The following NAALADL2 variants were observed in gnomAD, a reference collection of about 807,000 sequenced individuals.
NAALADL2 encodes the protein N-acetylated alpha-linked acidic dipeptidase like 2, also known as inactive N-acetylated-alpha-linked acidic dipeptidase-like protein 2.
NAALADL2 carries 76 observed loss-of-function variants against 87.2 expected under a neutral mutation model. The ratio of observed to expected loss-of-function variants is 0.87; its 90% CI spans 0.72 to 1.05. The LOEUF (loss-of-function observed/expected upper bound fraction) is 1.05. NAALADL2 is among the 50% of genes least tolerant of loss of function. NAALADL2 has a pLI of 0.00. For missense variants in NAALADL2, 1,089 were observed against 945.8 expected (o/e 1.15, Z -1.99); for synonymous variants, 354 against 331.0 (o/e 1.07, Z -0.75).
At chr3:174,586,370 C>T (rs1414435495) in intron 2 of NAALADL2, among the ~76,000 whole-genome samples, 1 of 152,116 alleles carries the variant, frequency 6.6e-6, no homozygotes, top group African/African-American at 2.4e-5. Flanking sequence ...TGTGCACATT[C>T]ATTACAAATT....
chr3:174,826,044 A>AACAACG (rs1332450789), intron 3 of NAALADL2, among the ~76,000 whole-genome samples: 2 of 150,574 alleles, frequency 1.3e-5, no homozygotes, highest in Non-Finnish European at 2.9e-5. Flanking sequence ...CAACAACAAC[A>AACAACG]ACAACAACGA....
intron 2 of NAALADL2, among the ~76,000 whole-genome samples, chr3:175,202,582 T>G (rs1208189100): frequency 6.6e-6 from 1 of 152,178 alleles, no homozygotes; most frequent in African/African-American, 2.4e-5. Flanking sequence ...TGCTCTATTT[T>G]TGTGCTGGTG....
chr3:175,601,928 T>G (rs1037465991), intron 10 of NAALADL2, among the ~76,000 whole-genome samples: 8 of 152,188 alleles, frequency 5.3e-5, no homozygotes, highest in Non-Finnish European at 1.2e-4. Context: ...GCTGCGTGCT[T>G]CTTAGAATTT....
intron 3 of NAALADL2, among the ~76,000 whole-genome samples, chr3:174,817,092 A>C (rs1720893816): frequency 6.6e-6 from 1 of 152,158 alleles, no homozygotes; most frequent in African/African-American, 2.4e-5. Flanking sequence ...ACTTTGGTGG[A>C]AGTGTGTGAG....
chr3:175,343,677 C>CTTTTTTTTTTT (rs1560398617), intron 5 of NAALADL2, among the ~76,000 whole-genome samples: 1 of 78,882 alleles, frequency 1.3e-5, no homozygotes, highest in Non-Finnish European at 2.8e-5. Flanking sequence ...TTTTTTTTTT[C>CTTTTTTTTTTT]CCTTCCCACT....
chr3:175,576,181 A>G lies in NAALADL2; in HGVS notation c.1794A>G (p.Thr598=), dbSNP rs771371249. The part of the protein sequence containing the change: ...IVQFAYEDIK[T]LEGPSFLSEA... The stretch of plus-strand genomic sequence containing the variant: ...AGTTTGCTTACGAGGACATCAAAAC[A>G]TTAGAGGTGATTGTTCCTAAAAAAT... The change falls in exon 10 of 14, where the codon ACA becomes ACG. Residue 598 remains threonine (T), a synonymous_variant. Transcript: ENST00000454872. 2.5e-6 allele frequency: 4 copies of G among 1,611,548 alleles called. No homozygotes were observed. In the African/African-American group the frequency reaches 5.3e-5, roughly 22 times the overall value.
intron 5 of NAALADL2, among the ~76,000 whole-genome samples, chr3:175,356,576 A>AAATAATAATAATAATAATAATAATAAT (rs377522672): frequency 7.6e-6 from 1 of 131,750 alleles, no homozygotes; most frequent in Non-Finnish European, 1.6e-5. Context: ...CCCTGTGTCA[A>AAATAATAATAATAATAATAATAATAAT]AATAATAATA....
At chr3:175,213,700 A>AACC (rs1326306937) in intron 2 of NAALADL2, among the ~76,000 whole-genome samples, 1 of 152,184 alleles carries the variant, frequency 6.6e-6, no homozygotes, top group Non-Finnish European at 1.5e-5. Context: ...TATTATATTT[A>AACC]ACCATAGCAA....
chr3:175,079,351 A>T (rs919506197), intron 1 of NAALADL2: 2 of 152,156 alleles, frequency 1.3e-5, no homozygotes, highest in East Asian at 3.8e-4. Flanking sequence ...TATGTTTTGA[A>T]ACTGTGTTCT....
chr3:175,349,571 A>T (rs908947738), intron 5 of NAALADL2, among the ~76,000 whole-genome samples: 1 of 151,558 alleles, frequency 6.6e-6, no homozygotes, highest in Non-Finnish European at 1.5e-5. Flanking sequence ...TTTAAATATG[A>T]CTCTTTTTTT....
chr3:175,090,111 T>C (rs1719800404), intron 1 of NAALADL2, among the ~76,000 whole-genome samples: 1 of 152,028 alleles, frequency 6.6e-6, no homozygotes. Context: ...CAGGAAAAGA[T>C]ACTCTGGAAT....
At chr3:175,644,280 G>A (rs776406253) in intron 11 of NAALADL2, among the ~76,000 whole-genome samples, 14 of 151,850 alleles carry the variant, frequency 9.2e-5, no homozygotes, top group South Asian at 2.1e-4. Context: ...TGAATAGTTC[G>A]TCATTTCCAT....
intron 10 of NAALADL2, among the ~76,000 whole-genome samples, chr3:175,617,706 A>G (rs1725538723): frequency 6.6e-6 from 1 of 152,136 alleles, no homozygotes; most frequent in Admixed American, 6.5e-5. Context: ...TCCTCCTGAT[A>G]TCAAGGGCCA....
chr3:175,772,896 C>A (rs1039272570), intron 13 of NAALADL2, among the ~76,000 whole-genome samples: 1 of 152,054 alleles, frequency 6.6e-6, no homozygotes, highest in East Asian at 1.9e-4. Context: ...TTTCTCCGTG[C>A]CTTAGAATCT....
intron 11 of NAALADL2, among the ~76,000 whole-genome samples, chr3:175,682,866 G>GT (rs1735774505): frequency 6.6e-6 from 1 of 151,914 alleles, no homozygotes; most frequent in Admixed American, 6.6e-5. Context: ...TTATAAAAAA[G>GT]TTACAGTTTG....
At chr3:175,270,932 A>G (rs896507780) in intron 4 of NAALADL2, 4 of 152,228 alleles carry the variant, frequency 2.6e-5, no homozygotes, top group Non-Finnish European at 4.4e-5. Flanking sequence ...AAATAGGCCT[A>G]TAAGAAATAT....
intron 1 of NAALADL2, among the ~76,000 whole-genome samples, chr3:174,893,977 C>T (rs536223097): frequency 1.3e-5 from 2 of 152,208 alleles, no homozygotes; most frequent in Non-Finnish European, 2.9e-5. Flanking sequence ...ACAAGAAACA[C>T]TTTACCTGTG....
rs537547163 is a variant in NAALADL2, at chr3:175,449,645, G to A, written c.1234+2273G>A. On this transcript the variant is annotated intron_variant, in intron 6 of 13. Transcript: ENST00000454872. The stretch of plus-strand genomic sequence containing the variant: ...CCTGACCTCGTGATCCGCCCACCTC[G>A]GCCTCCCAAAGTGCTGGGATTACAG... Among the ~76,000 whole-genome samples, 4 of 149,342 alleles carry A rather than the reference G, an allele frequency of 2.7e-5. No homozygotes were observed. The East Asian group carries it at 6.1e-4, about 23-fold the overall frequency.
At chr3:174,999,402 T>G (rs539854679) in intron 1 of NAALADL2, among the ~76,000 whole-genome samples, 1 of 152,286 alleles carries the variant, frequency 6.6e-6, no homozygotes, top group East Asian at 1.9e-4. Flanking sequence ...GTACATGCTT[T>G]TCTTAAGAAA....
Sources: gnomAD v4.1 joint callset for allele counts (sites outside exome capture counted in the v4.1 genomes callset) on GRCh38, gnomAD v4.1.1 for gene constraint, MANE v1.5 for transcripts, NCBI Gene and HGNC (gene_info 2026-07-23, HGNC 2026-07-21) for gene names.